The following THSD7A variants were observed in gnomAD, a reference collection of about 807,000 sequenced individuals.
The protein encoded by THSD7A is thrombospondin type-1 domain-containing protein 7A.
A neutral mutation model predicts 231.3 loss-of-function variants in THSD7A; 96 were observed. The ratio of observed to expected loss-of-function variants is 0.41; its 90% CI spans 0.35 to 0.49. The LOEUF is 0.49. THSD7A is among the 20% of genes least tolerant of loss of function. The pLI is 0.05. For synonymous variants in THSD7A, 940 were observed against 743.3 expected (o/e 1.26, Z -4.30); for missense variants, 2,290 against 2,070.2 (o/e 1.11, Z -2.06).
chr7:11,535,462 G>T (rs75031930), intron 6 of THSD7A, among the ~76,000 whole-genome samples: 2,816 of 151,908 alleles, frequency 0.019, 43 homozygotes, highest in Non-Finnish European at 0.026. Flanking sequence ...AGGTTATAAT[G>T]ACTTTTATCT....
intron 7 of THSD7A, among the ~76,000 whole-genome samples, chr7:11,477,086 C>A (rs181201707): frequency 4.6e-5 from 7 of 152,192 alleles, no homozygotes; most frequent in Admixed American, 4.6e-4. Context: ...TAAGTTATGA[C>A]CATTGAATCC....
intron 2 of THSD7A, among the ~76,000 whole-genome samples, chr7:11,595,171 AC>A (rs999921084): frequency 6.6e-6 from 1 of 151,978 alleles, no homozygotes. Context: ...CTCAGGAGCC[AC>A]CCCCAACACC....
chr7:11,690,596 T>C (rs904696064), intron 1 of THSD7A, among the ~76,000 whole-genome samples: 7 of 151,716 alleles, frequency 4.6e-5, no homozygotes, highest in African/African-American at 1.7e-4. Context: ...CAGACTTGCT[T>C]TGTGGAGGAC....
intron 6 of THSD7A, among the ~76,000 whole-genome samples, chr7:11,504,132 A>T (rs1235239792): frequency 6.6e-6 from 1 of 152,224 alleles, no homozygotes; most frequent in Non-Finnish European, 1.5e-5. Flanking sequence ...TGCAGCCATA[A>T]AAAAGAACGA....
chr7:11,782,785 T>G (rs548354817), intron 1 of THSD7A, among the ~76,000 whole-genome samples: 1 of 152,308 alleles, frequency 6.6e-6, no homozygotes, highest in South Asian at 2.1e-4. Context: ...TAAATGAATT[T>G]TTTTTTAGCA....
At chr7:11,642,076 G>T (rs1254840287) in intron 1 of THSD7A, among the ~76,000 whole-genome samples, 1 of 152,054 alleles carries the variant, frequency 6.6e-6, no homozygotes, top group African/African-American at 2.4e-5. Flanking sequence ...TGTTTCAAGG[G>T]GTGCAAATGT....
chr7:11,635,161 G>A (rs967448239), intron 2 of THSD7A, among the ~76,000 whole-genome samples: 1 of 152,094 alleles, frequency 6.6e-6, no homozygotes. Context: ...TGTCTTATAT[G>A]TTTTTTAATC....
chr7:11,488,917 C>T (rs965739986), intron 6 of THSD7A, among the ~76,000 whole-genome samples: 2 of 151,882 alleles, frequency 1.3e-5, no homozygotes, highest in South Asian at 2.1e-4. Context: ...CCCCATCTCT[C>T]GCTGTCTTCC....
At chr7:11,656,081 T>C (rs1240868336) in intron 1 of THSD7A, among the ~76,000 whole-genome samples, 3 of 151,842 alleles carry the variant, frequency 2.0e-5, no homozygotes. Flanking sequence ...ACCCACAAAG[T>C]TTTCCCCTCA....
intron 1 of THSD7A, among the ~76,000 whole-genome samples, chr7:11,807,085 A>ATCAC (rs1418424912): frequency 6.6e-6 from 1 of 152,034 alleles, no homozygotes; most frequent in East Asian, 1.9e-4. Context: ...GACCCAAGTG[A>ATCAC]TCACTACTAA....
chr7:11,569,594 A>T (rs1215829066), intron 4 of THSD7A, among the ~76,000 whole-genome samples: 1 of 152,180 alleles, frequency 6.6e-6, no homozygotes, highest in Non-Finnish European at 1.5e-5. Flanking sequence ...TAAATTAGTG[A>T]CTTTGGACAA....
intron 4 of THSD7A, among the ~76,000 whole-genome samples, chr7:11,558,775 T>G (rs1023980458): frequency 6.6e-5 from 10 of 152,114 alleles, no homozygotes; most frequent in African/African-American, 2.4e-4. Flanking sequence ...AAAGGCAGAA[T>G]GGTCACTCAA....
intron 6 of THSD7A, among the ~76,000 whole-genome samples, chr7:11,526,362 C>T (rs1452908553): frequency 6.6e-6 from 1 of 152,116 alleles, no homozygotes; most frequent in East Asian, 1.9e-4. Flanking sequence ...GAGTCATCTC[C>T]TTTTTAAAAA....
chr7:11,563,490 G>T (rs944751270), intron 4 of THSD7A, among the ~76,000 whole-genome samples: 5 of 152,088 alleles, frequency 3.3e-5, no homozygotes, highest in Non-Finnish European at 7.4e-5. Flanking sequence ...CTCCTGAGTA[G>T]CTGGGATTAC....
intron 6 of THSD7A, among the ~76,000 whole-genome samples, chr7:11,515,481 C>G (rs186587438): frequency 6.6e-6 from 1 of 151,930 alleles, no homozygotes; most frequent in East Asian, 1.9e-4. Context: ...ATCCATAGTG[C>G]CATAAATAAG....
At chr7:11,638,994 C>G (rs1414205300) in intron 1 of THSD7A, among the ~76,000 whole-genome samples, 1 of 152,106 alleles carries the variant, frequency 6.6e-6, no homozygotes, top group Non-Finnish European at 1.5e-5. Flanking sequence ...TTCCACACAT[C>G]CTTGGCATTT....
At chr7:11,522,774 G>T (rs1157196936) in intron 6 of THSD7A, among the ~76,000 whole-genome samples, 2 of 152,062 alleles carry the variant, frequency 1.3e-5, no homozygotes, top group Non-Finnish European at 2.9e-5. Flanking sequence ...ATTTATTGTG[G>T]CAATGTTTCT....
intron 1 of THSD7A, among the ~76,000 whole-genome samples, chr7:11,742,338 A>T (rs1199858894): frequency 6.6e-6 from 1 of 151,988 alleles, no homozygotes; most frequent in Non-Finnish European, 1.5e-5. Context: ...CAAGTATTCA[A>T]TTAGTAAAAA....
At chr7:11,704,126 A>G (rs985707364) in intron 1 of THSD7A, among the ~76,000 whole-genome samples, 1 of 151,160 alleles carries the variant, frequency 6.6e-6, no homozygotes, top group East Asian at 2.0e-4. Flanking sequence ...GCTCTTTAAT[A>G]CAAGTGGGAA....
Sources: allele counts gnomAD v4.1 joint callset (sites outside exome capture counted in the v4.1 genomes callset), GRCh38; gene constraint gnomAD v4.1.1; transcripts MANE v1.5; gene names NCBI Gene and HGNC (gene_info 2026-07-23, HGNC 2026-07-21).